Variants in NXPE4 observed in about 807,000 individuals in gnomAD.
NXPE4 encodes NXPE family member 4.
Under a neutral mutation model 33.3 loss-of-function variants are expected in NXPE4, and 42 were observed. That is an observed-to-expected ratio of 1.26 (90% confidence interval 0.98 to 1.63). The LOEUF (loss-of-function observed/expected upper bound fraction) is 1.63, where lower values mean the gene tolerates loss of function less well. Among genes scored for constraint, NXPE4 ranks in the 40% most tolerant of loss-of-function variants. The pLI, the probability that NXPE4 is intolerant of heterozygous loss-of-function variation, is 0.00. For missense variants in NXPE4, 709 were observed against 647.6 expected, an observed-to-expected ratio of 1.09 and a Z score of -1.03; for synonymous variants, 253 against 234.9, an observed-to-expected ratio of 1.08 and a Z score of -0.71.
chr11:114,631,622 A>T, the NXPE4 span, among the ~76,000 whole-genome samples: 54 of 152,034 alleles, frequency 3.6e-4, no homozygotes, highest in South Asian at 1.5e-3. Flanking sequence ...ATGTATACAT[A>T]TGTAACTAAA....
At chr11:114,580,756 A>G (rs1949125473) in intron 4 of NXPE4, among the ~76,000 whole-genome samples, 1 of 152,180 alleles carries the variant, frequency 6.6e-6, no homozygotes, top group Admixed American at 6.5e-5. Context: ...AAATCCTTTG[A>G]GTTAAATAAA....
At chr11:114,626,413 C>A in the NXPE4 span, among the ~76,000 whole-genome samples, 1 of 152,214 alleles carries the variant, frequency 6.6e-6, no homozygotes, top group Non-Finnish European at 1.5e-5. Context: ...CCAACAGGGG[C>A]AGACTGACAC....
chr11:114,572,106 C>A (rs1468693181), intron 5 of NXPE4, among the ~76,000 whole-genome samples: 2 of 152,144 alleles, frequency 1.3e-5, no homozygotes, highest in East Asian at 3.9e-4. Context: ...CCAGTACCAG[C>A]CCAGAGCCCA....
the NXPE4 span, among the ~76,000 whole-genome samples, chr11:114,676,632 A>G: frequency 1.3e-5 from 2 of 152,028 alleles, no homozygotes; most frequent in African/African-American, 4.8e-5. Context: ...AGAGGGAGAA[A>G]GGGAATACTT....
chr11:114,581,587 G>A, intron 4 of NXPE4, 138 bp downstream of exon 4: 1 of 678,278 alleles, frequency 1.5e-6, no homozygotes, highest in Non-Finnish European at 2.6e-6. Flanking sequence ...TAGGTAACTG[G>A]TGTCTTGGCC....
the NXPE4 span, among the ~76,000 whole-genome samples, chr11:114,631,230 T>G: frequency 6.6e-6 from 1 of 151,990 alleles, no homozygotes; most frequent in East Asian, 1.9e-4. Flanking sequence ...ACACATATGT[T>G]TATTGCGGCA....
Position 114,582,614 on chromosome 11 carries a change from A to G in NXPE4, c.504T>C (p.Thr168=), listed in dbSNP as rs1949176557. 6.2e-7 allele frequency: 1 copy of G among 1,614,100 alleles called. No homozygotes were observed. The highest frequency in any genetic ancestry group is 8.5e-7 in the Non-Finnish European group (1 of 1,179,998). The change falls in exon 3 of 6, where the codon ACT becomes ACC. Residue 168 remains threonine (T), a synonymous_variant. Transcript: ENST00000375478. ...FNNGTYLVSF[T]LFWEGQVSLS... is the part of the protein sequence containing the mutation. ...GAGAGACCTGGCCCTCCCAGAACAG[A>G]GTGAAGCTGACCAGGTAGGTGCCGT...
At chr11:114,674,105 ACAAAC>A in the NXPE4 span, among the ~76,000 whole-genome samples, 1 of 105,810 alleles carries the variant, frequency 9.5e-6, no homozygotes, top group Non-Finnish European at 2.1e-5. Flanking sequence ...AAACAAACAA[ACAAAC>A]AAACAAACAA....
intron 5 of NXPE4, among the ~76,000 whole-genome samples, chr11:114,577,030 TATATATATATAAAGTTATATATATATAC>T (rs1565329199): frequency 1.1e-4 from 3 of 28,024 alleles, no homozygotes; most frequent in East Asian, 1.6e-3. Flanking sequence ...TATATATACA[TATATATATATAAAGTTATATATATATAC>T]ATATATATAT....
intron 2 of NXPE4, among the ~76,000 whole-genome samples, chr11:114,589,078 T>A (rs561386516): frequency 6.6e-6 from 1 of 152,140 alleles, no homozygotes; most frequent in Admixed American, 6.5e-5. Context: ...CTGAGGTGCA[T>A]CTGCGAGTTG....
chr11:114,658,752 T>C, the NXPE4 span, among the ~76,000 whole-genome samples: 3 of 152,192 alleles, frequency 2.0e-5, no homozygotes, highest in Non-Finnish European at 2.9e-5. Flanking sequence ...TTTCTAATGC[T>C]GTGGAGAAGA....
upstream of NXPE4, among the ~76,000 whole-genome samples, chr11:114,596,320 T>C (rs1949572007): frequency 1.3e-5 from 2 of 152,186 alleles, no homozygotes; most frequent in Non-Finnish European, 2.9e-5. Flanking sequence ...ATGAAAACAG[T>C]GCTGGAAAGA....
chr11:114,610,615 G>A, the NXPE4 span, among the ~76,000 whole-genome samples: 5 of 150,594 alleles, frequency 3.3e-5, no homozygotes, highest in East Asian at 2.0e-4. Context: ...ACTGTTACCC[G>A]GTGGATAATA....
At chr11:114,608,873 G>A in the NXPE4 span, among the ~76,000 whole-genome samples, 16 of 151,634 alleles carry the variant, frequency 1.1e-4, no homozygotes, top group African/African-American at 1.9e-4. Flanking sequence ...ACTCTTACCC[G>A]GTGGATACCA....
chr11:114,601,251 C>A, the NXPE4 span, among the ~76,000 whole-genome samples: 1 of 150,198 alleles, frequency 6.7e-6, no homozygotes, highest in Non-Finnish European at 1.5e-5. Context: ...TCCCATGCTC[C>A]CTCTTTCTGA....
the NXPE4 span, among the ~76,000 whole-genome samples, chr11:114,603,522 C>T: frequency 2.0e-5 from 3 of 150,852 alleles, no homozygotes; most frequent in Non-Finnish European, 4.4e-5. Flanking sequence ...TAAGTATTGC[C>T]TCGTCTCCCA....
chr11:114,637,055 C>G, the NXPE4 span, among the ~76,000 whole-genome samples: 1 of 151,934 alleles, frequency 6.6e-6, no homozygotes, highest in African/African-American at 2.4e-5. Flanking sequence ...CTAATGTTGA[C>G]AGTGGGGTGT....
At chr11:114,626,032 C>T in the NXPE4 span, among the ~76,000 whole-genome samples, 10 of 152,198 alleles carry the variant, frequency 6.6e-5, no homozygotes, top group Non-Finnish European at 8.8e-5. Flanking sequence ...CCTACGCCCA[C>T]GGAGTCTCAC....
the NXPE4 span, among the ~76,000 whole-genome samples, chr11:114,677,451 T>C: frequency 6.6e-6 from 1 of 152,096 alleles, no homozygotes. Context: ...TTCTGGACAC[T>C]ATTATAACTG....
Sources: gnomAD v4.1 joint callset for allele counts (sites outside exome capture counted in the v4.1 genomes callset) on GRCh38, gnomAD v4.1.1 for gene constraint, MANE v1.5 for transcripts, NCBI Gene and HGNC (gene_info 2026-07-23, HGNC 2026-07-21) for gene names.